TENM4: variants seen among roughly 807,000 people sequenced by gnomAD.
The protein encoded by TENM4 is teneurin transmembrane protein 4.
In TENM4, 82 loss-of-function variants were observed where a neutral mutation model predicts 243.3. The ratio of observed to expected loss-of-function variants is 0.34; its 90% confidence interval spans 0.28 to 0.40. The LOEUF (loss-of-function observed/expected upper bound fraction) is 0.40, where lower values mean the gene tolerates loss of function less well. Among genes scored for constraint, TENM4 ranks in the 10% least tolerant of loss-of-function variants. The pLI is 1.00. For missense variants in TENM4, 3,138 were observed against 3,673.3 expected, an observed-to-expected ratio of 0.85 and a Z score of 3.77; for synonymous variants, 1,412 against 1,456.3, an observed-to-expected ratio of 0.97 and a Z score of 0.69.
intron 6 of TENM4, among the ~76,000 whole-genome samples, chr11:79,006,633 G>T (rs1217887815): frequency 6.6e-6 from 1 of 152,142 alleles, no homozygotes; most frequent in South Asian, 2.1e-4. Flanking sequence ...GGTGCATCAG[G>T]CCTGGGATAT....
At chr11:78,708,848 G>A (rs1322364857) in intron 26 of TENM4, among the ~76,000 whole-genome samples, 1 of 152,038 alleles carries the variant, frequency 6.6e-6, no homozygotes, top group Non-Finnish European at 1.5e-5. Flanking sequence ...ACAGTGGTAA[G>A]GAGGATCTTT....
intron 4 of TENM4, among the ~76,000 whole-genome samples, chr11:79,138,913 A>T (rs1862187402): frequency 9.4e-6 from 1 of 106,558 alleles, no homozygotes; most frequent in Non-Finnish European, 1.7e-5. Flanking sequence ...TTCTATAAAT[A>T]TATATTACAT....
At position 78,927,934 on chromosome 11, in the gene TENM4, G is replaced by A. The variant is rs556035479; in HGVS notation, c.494-24411C>T. On this transcript the variant is annotated intron_variant, in intron 6 of 33. Transcript: ENST00000278550. ...CCACAGCTTCCATTTCAAACTTCCC[G>A]ACAGCCCAAGGGTATGTTGTAGCCC... Among the ~76,000 whole-genome samples the A allele has an allele frequency of 3.3e-5, 5 of 151,850 alleles. No individual in the cohort carries two copies. In the South Asian group the frequency reaches 6.3e-4, roughly 19 times the overall value.
At chr11:78,984,837 G>A (rs2058710297) in intron 6 of TENM4, among the ~76,000 whole-genome samples, 1 of 152,028 alleles carries the variant, frequency 6.6e-6, no homozygotes, top group Admixed American at 6.6e-5. Flanking sequence ...ATAAGAACAA[G>A]TCTCAGCTCC....
chr11:79,163,820 C>T (rs1319645972), intron 3 of TENM4, among the ~76,000 whole-genome samples: 2 of 142,090 alleles, frequency 1.4e-5, no homozygotes, highest in Non-Finnish European at 3.0e-5. Context: ...CATATATATA[C>T]ATGTATGTGT....
intron 1 of TENM4, among the ~76,000 whole-genome samples, chr11:79,347,090 G>A (rs766306327): frequency 5.9e-5 from 9 of 152,086 alleles, no homozygotes; most frequent in Non-Finnish European, 1.2e-4. Flanking sequence ...CTGTTCTTTC[G>A]CTTCCAAAAT....
chr11:79,260,239 C>A (rs563552649), intron 2 of TENM4, among the ~76,000 whole-genome samples: 3 of 152,162 alleles, frequency 2.0e-5, no homozygotes, highest in East Asian at 3.9e-4. Context: ...GTGAGCGAGG[C>A]ACCAAGGGTA....
intron 15 of TENM4, among the ~76,000 whole-genome samples, chr11:78,788,259 TGA>T (rs1856980768): frequency 6.6e-6 from 1 of 152,214 alleles, no homozygotes; most frequent in Admixed American, 6.5e-5. Context: ...TACAAGACAA[TGA>T]ATAAAATGTT....
chr11:78,787,295 G>A (rs1856961735), intron 15 of TENM4, among the ~76,000 whole-genome samples: 2 of 152,214 alleles, frequency 1.3e-5, no homozygotes, highest in South Asian at 4.1e-4. Context: ...ATGACCCTCA[G>A]ATGAGAACAA....
chr11:79,354,561 G>A (rs1286139820), intron 1 of TENM4, among the ~76,000 whole-genome samples: 1 of 152,140 alleles, frequency 6.6e-6, no homozygotes, highest in Admixed American at 6.5e-5. Flanking sequence ...TAAGTAATGT[G>A]GTTGAAGGAG....
rs200565738 is a variant in TENM4, at chr11:79,207,902, T to G, written c.-163+7906A>C. Reference sequence around the variant, plus strand: ...AAAAAAAAAAAAAAGTGGGGGATAATTTAGGGCCTCCTATGATACAGTGTA... The same window carrying G: ...AAAAAAAAAAAAAAGTGGGGGATAAGTTAGGGCCTCCTATGATACAGTGTA... On this transcript the variant is annotated intron_variant, in intron 3 of 33. Coordinates refer to ENST00000278550, the MANE Select transcript of TENM4 (RefSeq NM_001098816.3). 4.7e-5 allele frequency among the ~76,000 whole-genome samples: 7 copies of G among 148,784 alleles called. No homozygotes were observed. In the East Asian group the frequency reaches 1.4e-3, roughly 29 times the overall value.
intron 25 of TENM4, among the ~76,000 whole-genome samples, chr11:78,719,627 T>C (rs1859599790): frequency 6.6e-6 from 1 of 152,010 alleles, no homozygotes; most frequent in Admixed American, 6.6e-5. Context: ...TGCAGCTCTA[T>C]CTGCCCATGG....
chr11:79,043,878 G>A (rs1859596950), intron 6 of TENM4, among the ~76,000 whole-genome samples: 1 of 152,180 alleles, frequency 6.6e-6, no homozygotes, highest in South Asian at 2.1e-4. Flanking sequence ...TCTGCTCTCT[G>A]AAGTATCTCT....
intron 2 of TENM4, among the ~76,000 whole-genome samples, chr11:79,235,166 A>G (rs1590815203): frequency 6.6e-6 from 1 of 152,020 alleles, no homozygotes; most frequent in East Asian, 1.9e-4. Context: ...ACAAAAAATT[A>G]GCCAGGCGTG....
rs530040963 is a variant in TENM4, at chr11:79,386,941, A to G, written c.-321+53568T>C. ...CAAGACCAAATTAGTACCAAAAGAC[A>G]TGCATAAGAATGTTCACCGAAGCAC... On this transcript the variant is annotated intron_variant, in intron 1 of 33. Transcript: ENST00000278550. 3.9e-5 allele frequency among the ~76,000 whole-genome samples: 6 copies of G among 152,192 alleles called. No homozygotes were observed. In the South Asian group the frequency reaches 1.0e-3, roughly 26 times the overall value.
intron 2 of TENM4, among the ~76,000 whole-genome samples, chr11:79,233,083 C>T (rs1166917684): frequency 6.6e-6 from 1 of 152,160 alleles, no homozygotes; most frequent in Admixed American, 6.5e-5. Context: ...GCACAGTTGC[C>T]CTGACCCCAT....
chr11:79,040,642 G>A (rs1859498485), intron 6 of TENM4, among the ~76,000 whole-genome samples: 1 of 152,156 alleles, frequency 6.6e-6, no homozygotes, highest in South Asian at 2.1e-4. Flanking sequence ...TTCCATCTTG[G>A]CCAGCACAGC....
At chr11:79,055,133 A>G (rs1007846263) in intron 6 of TENM4, among the ~76,000 whole-genome samples, 2 of 151,814 alleles carry the variant, frequency 1.3e-5, no homozygotes, top group African/African-American at 4.8e-5. Flanking sequence ...ATCTCAAAAA[A>G]AAAAAAAACC....
chr11:79,411,642 A>G (rs1485153674), intron 1 of TENM4, among the ~76,000 whole-genome samples: 2 of 152,012 alleles, frequency 1.3e-5, no homozygotes, highest in Non-Finnish European at 2.9e-5. Flanking sequence ...CTTTCCACCA[A>G]AAGCTGGAAA....
Sources: gnomAD v4.1 joint callset for allele counts (sites outside exome capture counted in the v4.1 genomes callset) on GRCh38, gnomAD v4.1.1 for gene constraint, MANE v1.5 for transcripts, NCBI Gene and HGNC (gene_info 2026-07-23, HGNC 2026-07-21) for gene names.